Variants in FGF12 observed in about 807,000 individuals in gnomAD.
FGF12 encodes the protein fibroblast growth factor 12, also known as fibroblast growth factor 12B.
A neutral mutation model predicts 23.6 loss-of-function variants in FGF12; 14 were observed. The ratio of observed to expected loss-of-function variants is 0.59; its 90% CI spans 0.39 to 0.93. The LOEUF (loss-of-function observed/expected upper bound fraction) is 0.93. Among genes scored for constraint, FGF12 ranks in the 40% least tolerant of loss-of-function variants. FGF12 has a pLI of 0.00. For missense variants in FGF12, 175 were observed against 217.8 expected (o/e 0.80, Z 1.24); for synonymous variants, 62 against 77.3 (o/e 0.80, Z 1.04).
At chr3:192,648,242 T>C in intron 2 of FGF12, among the ~76,000 whole-genome samples, 1 of 152,074 alleles carries the variant, frequency 6.6e-6, no homozygotes, top group East Asian at 1.9e-4. Context: ...AGAAAGTAAA[T>C]AATGGCATAA....
chr3:192,415,855 T>C (rs2108781073), intron 2 of FGF12, among the ~76,000 whole-genome samples: 1 of 151,792 alleles, frequency 6.6e-6, no homozygotes, highest in East Asian at 1.9e-4. Flanking sequence ...TAGGCAACTT[T>C]AAAATCTCAG....
chr3:192,163,287 G>T (rs1714979129), intron 5 of FGF12, among the ~76,000 whole-genome samples: 1 of 152,052 alleles, frequency 6.6e-6, no homozygotes, highest in Admixed American at 6.6e-5. Context: ...CTATTAGGTT[G>T]CTCTAAGAGG....
At chr3:192,649,581 A>C (rs1306550255) in intron 2 of FGF12, among the ~76,000 whole-genome samples, 1 of 152,052 alleles carries the variant, frequency 6.6e-6, no homozygotes, top group Non-Finnish European at 1.5e-5. Context: ...TTTTTAATAG[A>C]GTCTCACCCT....
intron 2 of FGF12, among the ~76,000 whole-genome samples, chr3:192,573,219 G>A (rs781412): frequency 0.53 from 81,042 of 151,584 alleles, 22,587 homozygotes; most frequent in Non-Finnish European, 0.61. Context: ...TTGGAAAGGG[G>A]ATGGTTGGTG....
chr3:192,139,700 A>T lies in FGF12; in HGVS notation c.*4309T>A, dbSNP rs550187949. ...ACATTATTTTAAGGCTATTATCATA[A>T]TGTTAAATATTCTTATTTTTTTTTG... is the stretch of plus-strand genomic sequence containing the variant. On this transcript the variant is annotated 3_prime_UTR_variant, in exon 6 of 6. Coordinates refer to ENST00000445105, the MANE Select transcript of FGF12 (RefSeq NM_004113.6). 6.6e-6 allele frequency: 1 copy of T among 152,182 alleles called. No homozygotes were observed. The highest frequency in any genetic ancestry group is 2.1e-4 in the South Asian group (1 of 4,824). 9.4% of individuals were successfully genotyped at this position (152,182 alleles called of 1,614,324 possible). A position where few individuals can be genotyped will look rare whatever the true frequency, so the allele number is the denominator to read the frequency against.
chr3:192,569,106 C>T (rs555551563), intron 2 of FGF12, among the ~76,000 whole-genome samples: 1 of 152,108 alleles, frequency 6.6e-6, no homozygotes, highest in South Asian at 2.1e-4. Flanking sequence ...TAAAGTACAG[C>T]GATGAAAGGT....
rs574245018 is a variant in FGF12 at position 192,233,448 on chromosome 3, T to C, written c.229-62792A>G. On this transcript the variant is annotated intron_variant, in intron 4 of 5. Transcript: ENST00000445105. ...TTAAGTTTCTTACAGATTCTGGACA[T>C]TAGACCTTTGTTGGATGCATAGTTT... Among the ~76,000 whole-genome samples the C allele has an allele frequency of 2.0e-5, 3 of 152,306 alleles. No individual in the cohort carries two copies. In the East Asian group the frequency reaches 5.8e-4, roughly 29 times the overall value.
chr3:192,452,042 T>C (rs1373019268), intron 2 of FGF12, among the ~76,000 whole-genome samples: 1 of 152,176 alleles, frequency 6.6e-6, no homozygotes, highest in Admixed American at 6.5e-5. Context: ...CAATATTGAA[T>C]AGAAGTAATG....
intron 3 of FGF12, among the ~76,000 whole-genome samples, chr3:192,358,293 A>G (rs1052752986): frequency 6.6e-6 from 1 of 152,072 alleles, no homozygotes; most frequent in Non-Finnish European, 1.5e-5. Flanking sequence ...AGCTAGTGGT[A>G]GGTATCCAGA....
At chr3:192,541,049 C>T (rs1275065038) in intron 2 of FGF12, among the ~76,000 whole-genome samples, 5 of 151,956 alleles carry the variant, frequency 3.3e-5, no homozygotes, top group Admixed American at 6.6e-5. Context: ...TGCAACTTAT[C>T]ATTGGGTCTT....
intron 5 of FGF12, among the ~76,000 whole-genome samples, chr3:192,168,709 A>C (rs912297736): frequency 1.3e-5 from 2 of 152,220 alleles, no homozygotes; most frequent in Non-Finnish European, 2.9e-5. Flanking sequence ...TGATTATCAA[A>C]TATCTCTCTA....
intron 2 of FGF12, among the ~76,000 whole-genome samples, chr3:192,438,994 C>T (rs1024785611): frequency 4.6e-5 from 7 of 152,144 alleles, no homozygotes; most frequent in South Asian, 2.1e-4. Context: ...ACTCTATGGA[C>T]CTAGTTGCAT....
intron 4 of FGF12, among the ~76,000 whole-genome samples, chr3:192,215,338 C>T (rs1337037934): frequency 6.6e-6 from 1 of 152,176 alleles, no homozygotes; most frequent in African/African-American, 2.4e-5. Flanking sequence ...ACTTGGTACT[C>T]ATCACCCAGC....
chr3:192,414,643 A>T (rs547050862), intron 2 of FGF12, among the ~76,000 whole-genome samples: 1 of 152,322 alleles, frequency 6.6e-6, no homozygotes, highest in Non-Finnish European at 1.5e-5. Flanking sequence ...GACTCCAATA[A>T]GTAATGTGAT....
intron 4 of FGF12, among the ~76,000 whole-genome samples, chr3:192,288,155 G>A (rs1714559746): frequency 6.6e-6 from 1 of 152,086 alleles, no homozygotes; most frequent in Non-Finnish European, 1.5e-5. Flanking sequence ...CAAGCGATGT[G>A]TGGGCAGGGA....
intron 5 of FGF12, among the ~76,000 whole-genome samples, chr3:192,151,331 TG>T (rs1714045068): frequency 7.1e-6 from 1 of 140,090 alleles, no homozygotes; most frequent in Non-Finnish European, 1.6e-5. Context: ...CTAATTGCCC[TG>T]GCCAGAACTT....
At position 192,361,743 on chromosome 3, in the gene FGF12, G is replaced by A. The variant is rs368931764; in HGVS notation, c.14-1205C>T. 1.2e-3 allele frequency among the ~76,000 whole-genome samples: 184 copies of A among 152,218 alleles called. No individual in the cohort carries two copies. The Middle Eastern group carries it at 0.017, about 14-fold the overall frequency. ...AATGTGATTAATTCTTTGAGAATTG[G>A]CCTACACCCTATAACAAGTGTCTGC... is the stretch of plus-strand genomic sequence containing the variant. On this transcript the variant is annotated intron_variant, in intron 2 of 5. Transcript: ENST00000445105.
chr3:192,272,042 T>C (rs1034627223), intron 4 of FGF12, among the ~76,000 whole-genome samples: 4 of 152,138 alleles, frequency 2.6e-5, no homozygotes, highest in Non-Finnish European at 5.9e-5. Flanking sequence ...GGGAAAAATA[T>C]TGACTTTCCT....
chr3:192,335,172 T>C (rs1300235876), intron 4 of FGF12, among the ~76,000 whole-genome samples, 189 bp downstream of exon 4: 1 of 152,170 alleles, frequency 6.6e-6, no homozygotes, highest in African/African-American at 2.4e-5. Flanking sequence ...AACTGCAATA[T>C]ACTCATTCAA....
Sources: gnomAD v4.1 joint callset for allele counts (sites outside exome capture counted in the v4.1 genomes callset) on GRCh38, gnomAD v4.1.1 for gene constraint, MANE v1.5 for transcripts, NCBI Gene and HGNC (gene_info 2026-07-23, HGNC 2026-07-21) for gene names.